EEF1AKMT1: variants seen among roughly 807,000 people sequenced by gnomAD.
The protein encoded by EEF1AKMT1 is N-6 adenine-specific DNA methyltransferase 2 (putative).
In EEF1AKMT1, 18 loss-of-function variants were observed where a neutral mutation model predicts 21.0. The ratio of observed to expected loss-of-function variants is 0.86; its 90% CI spans 0.59 to 1.27. The LOEUF is 1.27. Ranked by LOEUF, EEF1AKMT1 falls within the 50% of genes most tolerant of loss-of-function variation. The probability of loss-of-function intolerance (pLI) is 0.00; values close to 1 mark genes in which losing one functional copy is unlikely to be tolerated. For synonymous variants in EEF1AKMT1, 109 were observed against 94.8 expected (o/e 1.15, Z -0.87); for missense variants, 246 against 258.6 (o/e 0.95, Z 0.33).
intron 1 of EEF1AKMT1, among the ~76,000 whole-genome samples, chr13:20,771,666 ACTT>A (rs1398628490): frequency 4.6e-5 from 7 of 152,252 alleles, no homozygotes; most frequent in African/African-American, 7.2e-5. Context: ...AAAGTGCATC[ACTT>A]CTTCTAATGA....
chr13:20,769,091 T>G (rs2059050769), intron 1 of EEF1AKMT1: 1 of 152,118 alleles, frequency 6.6e-6, no homozygotes, highest in African/African-American at 2.4e-5. Context: ...TGGTTGTCAC[T>G]GGGAAGTCTG....
chr13:20,749,015 C>T (rs552242896), intron 2 of EEF1AKMT1, among the ~76,000 whole-genome samples: 6 of 152,216 alleles, frequency 3.9e-5, no homozygotes, highest in African/African-American at 1.4e-4. Context: ...CAGGCGTGAG[C>T]CATCGTGCCC....
At chr13:20,753,420 C>T (rs2058953787) in intron 2 of EEF1AKMT1, among the ~76,000 whole-genome samples, 1 of 152,166 alleles carries the variant, frequency 6.6e-6, no homozygotes, top group Non-Finnish European at 1.5e-5. Flanking sequence ...CTGTTGGATG[C>T]TATGTTCTAC....
intron 3 of EEF1AKMT1, among the ~76,000 whole-genome samples, chr13:20,737,055 A>G (rs1012093104): frequency 6.6e-6 from 1 of 151,872 alleles, no homozygotes; most frequent in Non-Finnish European, 1.5e-5. Context: ...ATTTATATGC[A>G]TGCAAGGTTC....
At chr13:20,739,923 A>G (rs1416657880) in intron 2 of EEF1AKMT1, among the ~76,000 whole-genome samples, 1 of 152,230 alleles carries the variant, frequency 6.6e-6, no homozygotes, top group Non-Finnish European at 1.5e-5. Flanking sequence ...GTCCCATGCC[A>G]TGTGCCAGTG....
chr13:20,765,435 T>TA (rs2059025252), intron 1 of EEF1AKMT1, among the ~76,000 whole-genome samples: 1 of 109,762 alleles, frequency 9.1e-6, no homozygotes, highest in Admixed American at 1.0e-4. Context: ...TTTTTTGAGA[T>TA]AGAGTTTCAC....
chr13:20,744,662 T>C (rs1023152967), intron 2 of EEF1AKMT1, among the ~76,000 whole-genome samples: 1 of 152,234 alleles, frequency 6.6e-6, no homozygotes, highest in African/African-American at 2.4e-5. Context: ...TAGTTTCTTT[T>C]GCTCTGCAGA....
At chr13:20,764,914 CACA>C (rs972208014) in intron 1 of EEF1AKMT1, among the ~76,000 whole-genome samples, 2 of 150,472 alleles carry the variant, frequency 1.3e-5, no homozygotes, top group Admixed American at 6.6e-5. Flanking sequence ...CACACACACA[CACA>C]CCCTAATTTT....
At position 20,737,757 on chromosome 13, in the gene EEF1AKMT1, G is replaced by GT; in HGVS notation, c.192dup (p.Gln65ThrfsTer20). On this transcript the variant is annotated frameshift_variant, in exon 3 of 5. Transcript: ENST00000382758. Reference sequence around the variant, plus strand: ...TCTCCTACAGCTGCAATTGCCTCCTGTGCCAGCTGCAGAGCAGTTTCCTGA... The same window carrying GT: ...TCTCCTACAGCTGCAATTGCCTCCTGTTGCCAGCTGCAGAGCAGTTTCCTGA... 1 of 1,613,104 alleles carries GT rather than the reference G, an allele frequency of 6.2e-7. No homozygotes were observed. Among genetic ancestry groups the GT allele is most frequent in the Non-Finnish European group, 8.5e-7 (1 of 1,179,600 alleles).
intron 1 of EEF1AKMT1, among the ~76,000 whole-genome samples, chr13:20,766,471 C>CT (rs2059033601): frequency 6.6e-6 from 1 of 152,030 alleles, no homozygotes; most frequent in Non-Finnish European, 1.5e-5. Flanking sequence ...GAATCTATTT[C>CT]TTTCTCCATT....
chr13:20,761,911 A>G (rs915048711), intron 1 of EEF1AKMT1, among the ~76,000 whole-genome samples: 5 of 152,174 alleles, frequency 3.3e-5, no homozygotes, highest in Non-Finnish European at 7.3e-5. Context: ...AGCCTGGGCA[A>G]TACAGTGAGA....
chr13:20,772,178 C>T (rs993685403), intron 1 of EEF1AKMT1, among the ~76,000 whole-genome samples: 1 of 151,892 alleles, frequency 6.6e-6, no homozygotes, highest in African/African-American at 2.4e-5. Flanking sequence ...TAAATTTTTT[C>T]TGGCTACTCT....
At chr13:20,758,579 A>G (rs1369565756) in intron 1 of EEF1AKMT1, among the ~76,000 whole-genome samples, 2 of 152,194 alleles carry the variant, frequency 1.3e-5, no homozygotes, top group African/African-American at 4.8e-5. Flanking sequence ...GATGGTCGAC[A>G]TAAGAGTAGA....
intron 2 of EEF1AKMT1, among the ~76,000 whole-genome samples, chr13:20,750,401 T>A (rs1207877052): frequency 6.6e-6 from 1 of 152,152 alleles, no homozygotes. Flanking sequence ...TCTATCTCCA[T>A]GACATCAACA....
chr13:20,746,509 G>C (rs2058905581), intron 2 of EEF1AKMT1, among the ~76,000 whole-genome samples: 1 of 152,166 alleles, frequency 6.6e-6, no homozygotes, highest in Non-Finnish European at 1.5e-5. Context: ...CCTCTGCAAA[G>C]GACATCTGGA....
intron 2 of EEF1AKMT1, among the ~76,000 whole-genome samples, chr13:20,746,342 G>A (rs1393759014): frequency 6.6e-6 from 1 of 152,066 alleles, no homozygotes; most frequent in Non-Finnish European, 1.5e-5. Context: ...TAGTAGAGAC[G>A]GGGTTTCACC....
chr13:20,743,874 T>A (rs915655668), intron 2 of EEF1AKMT1, among the ~76,000 whole-genome samples: 1 of 152,060 alleles, frequency 6.6e-6, no homozygotes, highest in African/African-American at 2.4e-5. Flanking sequence ...CACTGTGTGA[T>A]GTTCCCCTCC....
intron 2 of EEF1AKMT1, among the ~76,000 whole-genome samples, chr13:20,752,914 A>G (rs1241243201): frequency 6.6e-6 from 1 of 151,840 alleles, no homozygotes; most frequent in Non-Finnish European, 1.5e-5. Context: ...GATCCATTGA[A>G]TATTTTTTAT....
chr13:20,768,305 T>C (rs1406983133), intron 1 of EEF1AKMT1, among the ~76,000 whole-genome samples: 1 of 152,216 alleles, frequency 6.6e-6, no homozygotes, highest in African/African-American at 2.4e-5. Context: ...TTAAGACTGT[T>C]AGATAAGAGC....
Sources: gnomAD v4.1 joint callset for allele counts (sites outside exome capture counted in the v4.1 genomes callset) on GRCh38, gnomAD v4.1.1 for gene constraint, MANE v1.5 for transcripts, NCBI Gene and HGNC (gene_info 2026-07-23, HGNC 2026-07-21) for gene names.